The following SLC39A10 variants were observed in gnomAD, a reference collection of about 807,000 sequenced individuals.
The protein encoded by SLC39A10 is zinc transporter ZIP10.
SLC39A10 carries 13 observed loss-of-function variants against 65.1 expected under a neutral mutation model. The ratio of observed to expected loss-of-function variants is 0.20; its 90% CI spans 0.13 to 0.32. SLC39A10 has a LOEUF of 0.32. Ranked by LOEUF, SLC39A10 falls within the 10% of genes least tolerant of loss-of-function variation. The probability of loss-of-function intolerance (pLI) is 1.00; values close to 1 mark genes in which losing one functional copy is unlikely to be tolerated. For synonymous variants in SLC39A10, 321 were observed against 342.2 expected, an observed-to-expected ratio of 0.94 and a Z score of 0.68; for missense variants, 831 against 1,018.4, an observed-to-expected ratio of 0.82 and a Z score of 2.50.
intron 3 of SLC39A10, among the ~76,000 whole-genome samples, chr2:195,696,481 G>A (rs971529538): frequency 6.6e-6 from 1 of 151,432 alleles, no homozygotes; most frequent in African/African-American, 2.4e-5. Flanking sequence ...AAATATTTGG[G>A]GAAAATATAA....
At chr2:195,719,369 G>T (rs958913954) in intron 8 of SLC39A10, among the ~76,000 whole-genome samples, 11 of 152,086 alleles carry the variant, frequency 7.2e-5, no homozygotes, top group Non-Finnish European at 1.5e-4. Context: ...ACTCAGAAAT[G>T]TGCTTTCGCC....
chr2:195,664,696 T>A (rs1482378225), intron 1 of SLC39A10, among the ~76,000 whole-genome samples: 2 of 152,190 alleles, frequency 1.3e-5, no homozygotes, highest in African/African-American at 4.8e-5. Context: ...ATGAGAGTGC[T>A]ATGATCATAC....
intron 2 of SLC39A10, among the ~76,000 whole-genome samples, chr2:195,621,267 T>G (rs139570587): frequency 6.6e-6 from 1 of 152,194 alleles, no homozygotes; most frequent in Non-Finnish European, 1.5e-5. Flanking sequence ...AGGTTGTTTA[T>G]GTAGTACATA....
intron 1 of SLC39A10, among the ~76,000 whole-genome samples, chr2:195,678,518 T>C (rs993706074): frequency 1.3e-5 from 2 of 151,978 alleles, no homozygotes; most frequent in Non-Finnish European, 2.9e-5. Flanking sequence ...TGAGTATACA[T>C]TGTGGTAGTC....
At chr2:195,677,553 T>C (rs10178564) in intron 1 of SLC39A10, among the ~76,000 whole-genome samples, 107,892 of 151,516 alleles carry the variant, frequency 0.71, 38,493 homozygotes, top group Non-Finnish European at 0.73. Flanking sequence ...CAAAAAAAAA[T>C]CCACAAAGTT....
At chr2:195,618,919 C>T (rs1269444664) in intron 2 of SLC39A10, among the ~76,000 whole-genome samples, 2 of 151,774 alleles carry the variant, frequency 1.3e-5, no homozygotes, top group Non-Finnish European at 2.9e-5. Flanking sequence ...ATGGTGAAAC[C>T]CCGTCTCTAC....
intron 2 of SLC39A10, among the ~76,000 whole-genome samples, chr2:195,651,715 T>A (rs755814732): frequency 9.2e-5 from 14 of 152,160 alleles, no homozygotes; most frequent in Non-Finnish European, 1.8e-4. Flanking sequence ...CCTCAAGTGA[T>A]CCACCCGCTT....
intron 2 of SLC39A10, among the ~76,000 whole-genome samples, chr2:195,638,147 T>C (rs142535367): frequency 2.0e-4 from 31 of 152,230 alleles, no homozygotes; most frequent in African/African-American, 7.2e-4. Flanking sequence ...TATTTATTTA[T>C]TTTATCTACC....
chr2:195,714,744 T>C (rs780531640), intron 6 of SLC39A10, among the ~76,000 whole-genome samples: 1 of 152,248 alleles, frequency 6.6e-6, no homozygotes, highest in Non-Finnish European at 1.5e-5. Flanking sequence ...AATTTAGTTA[T>C]TCTGTAATGC....
intron 3 of SLC39A10, among the ~76,000 whole-genome samples, chr2:195,705,185 CTCCT>C (rs1463673248): frequency 2.0e-5 from 3 of 152,138 alleles, no homozygotes. Context: ...TGAGTTCCTG[CTCCT>C]TCCTTAATCC....
At chr2:195,721,211 A>T (rs1400995438) in intron 8 of SLC39A10, among the ~76,000 whole-genome samples, 1 of 152,174 alleles carries the variant, frequency 6.6e-6, no homozygotes, top group African/African-American at 2.4e-5. Flanking sequence ...AAGTGCTGGG[A>T]TTACAGGTGT....
chr2:195,657,798 T>C (rs1182872769), intron 1 of SLC39A10, among the ~76,000 whole-genome samples: 1 of 151,746 alleles, frequency 6.6e-6, no homozygotes, highest in Non-Finnish European at 1.5e-5. Context: ...CCAGTCCTTC[T>C]CTCTGGTCTG....
intron 6 of SLC39A10, among the ~76,000 whole-genome samples, chr2:195,714,182 C>T (rs1477130460): frequency 3.3e-5 from 5 of 152,186 alleles, no homozygotes; most frequent in South Asian, 4.1e-4. Context: ...CTGCCCACCT[C>T]GGCCTCCCAA....
At chr2:195,630,101 A>ATGTG (rs1181570098) in intron 2 of SLC39A10, among the ~76,000 whole-genome samples, 1 of 81,314 alleles carries the variant, frequency 1.2e-5, no homozygotes, top group Non-Finnish European at 2.2e-5. Flanking sequence ...AACTCATTTT[A>ATGTG]TATGTGTGTG....
At chr2:195,658,307 G>C (rs976881673) in intron 1 of SLC39A10, 1 of 152,346 alleles carries the variant, frequency 6.6e-6, no homozygotes, top group African/African-American at 2.4e-5. Flanking sequence ...GATCTGGCAC[G>C]AGGAAGAAAT....
At chr2:195,625,287 T>C (rs1317851847) in intron 2 of SLC39A10, among the ~76,000 whole-genome samples, 1 of 148,452 alleles carries the variant, frequency 6.7e-6, no homozygotes, top group Non-Finnish European at 1.5e-5. Context: ...TTTTTTCTTT[T>C]TTTTTGAGAC....
chr2:195,693,229 T>A (rs780995738), intron 3 of SLC39A10, among the ~76,000 whole-genome samples: 1 of 152,194 alleles, frequency 6.6e-6, no homozygotes, highest in Non-Finnish European at 1.5e-5. Context: ...GGTTCACTAG[T>A]ATTTTGTTGA....
chr2:195,704,134 A>G (rs1347512731), intron 3 of SLC39A10, among the ~76,000 whole-genome samples: 2 of 152,324 alleles, frequency 1.3e-5, no homozygotes, highest in South Asian at 2.1e-4. Context: ...CTATATTTAC[A>G]TTAGTAAGTA....
At chr2:195,641,707 T>C (rs1042504746) in intron 2 of SLC39A10, among the ~76,000 whole-genome samples, 4 of 142,564 alleles carry the variant, frequency 2.8e-5, no homozygotes, top group African/African-American at 7.7e-5. Flanking sequence ...TTTTTTTGAG[T>C]TGGAGTCTCG....
Sources: allele counts gnomAD v4.1 joint callset (sites outside exome capture counted in the v4.1 genomes callset), GRCh38; gene constraint gnomAD v4.1.1; transcripts MANE v1.5; gene names NCBI Gene and HGNC (gene_info 2026-07-23, HGNC 2026-07-21).